The following CLCN2 variants were observed in gnomAD, a reference collection of about 807,000 sequenced individuals.
CLCN2 encodes chloride channel protein 2.
CLCN2 carries 72 observed loss-of-function variants against 108.3 expected under a neutral mutation model. The ratio of observed to expected loss-of-function variants is 0.66; its 90% CI spans 0.55 to 0.81. CLCN2 has a LOEUF of 0.81. Ranked by LOEUF, CLCN2 falls within the 30% of genes least tolerant of loss-of-function variation. The pLI, the probability that CLCN2 is intolerant of heterozygous loss-of-function variation, is 0.00. For synonymous variants in CLCN2, 471 were observed against 467.1 expected, an observed-to-expected ratio of 1.01 and a Z score of -0.11; for missense variants, 1,048 against 1,205.2, an observed-to-expected ratio of 0.87 and a Z score of 1.93.
At position 184,346,803 on chromosome 3, in the gene CLCN2, G is replaced by T; in HGVS notation, c.2503-3C>A. 3.1e-6 allele frequency: 5 copies of T among 1,614,062 alleles called. No homozygotes were observed. Among genetic ancestry groups the T allele is most frequent in the Non-Finnish European group, 4.2e-6 (5 of 1,180,004 alleles). The stretch of plus-strand genomic sequence containing the variant: ...GAGCCCTCGATGGCCTTCCGGAGCT[G>T]GAAAGGTGAGAGGGACAGATGTCTG... On this transcript the variant is annotated splice_polypyrimidine_tract_variant and splice_region_variant and intron_variant, in intron 23 of 23. Coordinates refer to ENST00000265593, the MANE Select transcript of CLCN2 (RefSeq NM_004366.6). This position sits in a 1 kb window ranked among gnomAD's most constrained non-coding sequence, Gnocchi z 6.0.
Position 184,361,463 on chromosome 3 carries a change from G to C in CLCN2, c.17C>G (p.Ala6Gly). 2 of 1,612,284 alleles carry C rather than the reference G, an allele frequency of 1.2e-6. No homozygotes were observed. Among genetic ancestry groups the C allele is most frequent in the Non-Finnish European group, 1.7e-6 (2 of 1,179,922 alleles). MAAAA[A>G]EEGMEPRALQ... ...CGCCCGTGGCTCCATCCCTTCCTCC[G>C]CCGCCGCGGCCGCCATCTCCGCGCA... The change falls in exon 1 of 24, where the codon GCG becomes GGG. Residue 6 changes from alanine to glycine, a missense_variant. By Grantham distance (60) the Ala-to-Gly change is moderately conservative. Coordinates refer to ENST00000265593, the MANE Select transcript of CLCN2 (RefSeq NM_004366.6). This position sits in a 1 kb window ranked among gnomAD's most constrained non-coding sequence, Gnocchi z 6.6.
chr3:184,351,695 G>A (rs1010797426), intron 22 of CLCN2, among the ~76,000 whole-genome samples: 12 of 152,106 alleles, frequency 7.9e-5, no homozygotes, highest in South Asian at 2.1e-4. Flanking sequence ...GTGGCCTCCC[G>A]CCTAGCTCTG....
chr3:184,355,587 T>C lies in CLCN2; in HGVS notation c.1171-58A>G, dbSNP rs1339913763. On this transcript the variant is annotated intron_variant, in intron 11 of 23. Transcript: ENST00000265593. The surrounding 1 kb of genome is among the most constrained non-coding windows in gnomAD (Gnocchi z 6.3). The stretch of plus-strand genomic sequence containing the variant: ...CCGACAGGATGAAGGGAAGAGGCCA[T>C]GGGATCCCACGGGGAACAAGGGGTC... 3 of 1,610,270 alleles carry C rather than the reference T, an allele frequency of 1.9e-6. No homozygotes were observed. The African/African-American group carries it at 4.0e-5, about 22-fold the overall frequency.
intron 18 of CLCN2, 55 bp from the exon 19 acceptor site, chr3:184,352,865 C>A: frequency 6.3e-7 from 1 of 1,599,998 alleles, no homozygotes; most frequent in Non-Finnish European, 8.6e-7. Flanking sequence ...GGGGAGAGGA[C>A]CAGGAAAGGT....
rs1447367671 is a variant in CLCN2, at chr3:184,355,644, G to C, written c.1170+50C>G. Reference sequence around the variant, plus strand: ...TCACACTGGGGCTGTTGGCTTTGGAGGAATGCCTTCCAAGGGAAAGCACAA... The same window carrying C: ...TCACACTGGGGCTGTTGGCTTTGGACGAATGCCTTCCAAGGGAAAGCACAA... On this transcript the variant is annotated intron_variant, in intron 11 of 23. Coordinates refer to ENST00000265593, the MANE Select transcript of CLCN2 (RefSeq NM_004366.6). The surrounding 1 kb of genome is among the most constrained non-coding windows in gnomAD (Gnocchi z 6.3). The C allele has an allele frequency of 6.2e-7, 1 of 1,605,540 alleles. No homozygotes were observed. Among genetic ancestry groups the C allele is most frequent in the Non-Finnish European group, 8.5e-7 (1 of 1,172,210 alleles).
intron 19 of CLCN2, 34 bp from the exon 20 acceptor site, chr3:184,352,530 A>G: frequency 6.2e-7 from 1 of 1,606,748 alleles, no homozygotes. Context: ...CAGAAAGATG[A>G]GGAGTTGAGG....
chr3:184,347,661 C>T (rs1727784784), intron 22 of CLCN2: 1 of 167,136 alleles, frequency 6.0e-6, no homozygotes, highest in Non-Finnish European at 1.3e-5. Context: ...GGTTTGGAGT[C>T]TCTCTCCCCT....
At chr3:184,352,262 A>G (rs41266263) in intron 21 of CLCN2, 31 bp downstream of exon 21, 371 of 1,613,340 alleles carry the variant, frequency 2.3e-4, no homozygotes, top group Non-Finnish European at 2.8e-4. Flanking sequence ...AACCAGGAAG[A>G]AACAGGGTCC....
chr3:184,353,637 C>G lies in CLCN2; in HGVS notation c.1855+25G>C, dbSNP rs757519636. ...CTTCGACCCTGGGCAATGCCCCTAG[C>G]ACCTGGGACCCCTCCTGGCCTCACC... On this transcript the variant is annotated intron_variant, in intron 16 of 23. Coordinates refer to ENST00000265593, the MANE Select transcript of CLCN2 (RefSeq NM_004366.6). 4 of 1,611,286 alleles carry G rather than the reference C, an allele frequency of 2.5e-6. No individual in the cohort carries two copies. The South Asian group carries it at 4.4e-5, about 18-fold the overall frequency.
rs151257924 is a variant in CLCN2 at position 184,359,121 on chromosome 3, C to T, written c.74G>A (p.Arg25Gln). 1.4e-4 allele frequency: 218 copies of T among 1,613,728 alleles called. No individual in the cohort carries two copies. Among genetic ancestry groups the T allele is most frequent in the Middle Eastern group, 3.3e-4 (2 of 6,062 alleles). Reference protein sequence around the residue: ...LQYEQTLMYGRYTQDLGAFAK... With the variant: ...LQYEQTLMYGQYTQDLGAFAK... ...AAAGGCCCCAAGGTCCTGAGTGTAC[C>T]GGCCATACATCTGGAGCAACAGAGG... Residue 25 changes from arginine to glutamine, a missense_variant, in exon 2 of 24, where the codon CGG becomes CAG. Coordinates refer to ENST00000265593, the MANE Select transcript of CLCN2 (RefSeq NM_004366.6).
chr3:184,352,889 G>A (rs1728226485), intron 18 of CLCN2, 79 bp from the exon 19 acceptor site: 2 of 1,559,630 alleles, frequency 1.3e-6, no homozygotes, highest in East Asian at 2.2e-5. Context: ...GAAGACACAG[G>A]GAGAGGTATC....
At position 184,346,703 on chromosome 3, in the gene CLCN2, G is replaced by A. The variant is rs778127158; in HGVS notation, c.2600C>T (p.Thr867Met). 1.9e-5 allele frequency: 30 copies of A among 1,614,060 alleles called. No homozygotes were observed. Among genetic ancestry groups the A allele is most frequent in the Middle Eastern group, 1.6e-4 (1 of 6,084 alleles). The change falls in exon 24 of 24, where the codon ACG becomes ATG. Residue 867 changes from threonine to methionine, a missense_variant. Physicochemically the swap from Thr to Met is moderately conservative, Grantham distance 81. Coordinates refer to ENST00000265593, the MANE Select transcript of CLCN2 (RefSeq NM_004366.6). This position sits in a 1 kb window ranked among gnomAD's most constrained non-coding sequence, Gnocchi z 6.0. Reference sequence around the variant, plus strand: ...GAGTGCATGCACCTCAGTGGTCTCCGTGTCACTGCTGCTGGTGGCACTGTC... The same window carrying A: ...GAGTGCATGCACCTCAGTGGTCTCCATGTCACTGCTGCTGGTGGCACTGTC... ...FRDSATSSSD[T>M]ETTEVHALWG...
rs748398548 is a variant in CLCN2 at position 184,354,624 on chromosome 3, C to T, written c.1431G>A (p.Met477Ile). The T allele has an allele frequency of 3.1e-6, 5 of 1,611,270 alleles. No individual in the cohort carries two copies. Among genetic ancestry groups the T allele is most frequent in the Admixed American group, 1.7e-5 (1 of 59,758 alleles). The stretch of plus-strand genomic sequence containing the variant: ...GAATTCCATCTGGGAACCAGGCAGC[C>T]ATGCTTTCACCCACCAGACGCCCAA... ...AAFGRLVGESMAAWFPDGIHT... is the reference protein window; with the variant it reads ...AAFGRLVGESIAAWFPDGIHT... The change falls in exon 14 of 24, where the codon ATG becomes ATA. Residue 477 changes from methionine (M) to isoleucine (I), a missense_variant. Transcript: ENST00000265593.
chr3:184,352,555 G>A (rs1728192985), intron 19 of CLCN2, 59 bp from the exon 20 acceptor site: 11 of 1,564,746 alleles, frequency 7.0e-6, no homozygotes, highest in South Asian at 1.1e-5. Flanking sequence ...AGGGAGAGGG[G>A]AGGTGAGGGG....
In CLCN2 at chr3:184,355,268, CT is replaced by C; in HGVS notation, c.1326+105del. On this transcript the variant is annotated intron_variant, in intron 12 of 23. Coordinates refer to ENST00000265593, the MANE Select transcript of CLCN2 (RefSeq NM_004366.6). This position sits in a 1 kb window ranked among gnomAD's most constrained non-coding sequence, Gnocchi z 6.3. ...TTTCAAACGGGGGTGATAATAGTGC[CT>C]TTCCCATGGCACTGTGGAGAGGCTT... 1 of 1,309,700 alleles carries C rather than the reference CT, an allele frequency of 7.6e-7. No individual in the cohort carries two copies. The highest frequency in any genetic ancestry group is 1.2e-5 in the South Asian group (1 of 83,802). 81.1% of individuals were successfully genotyped at this position (1,309,700 alleles called of 1,614,324 possible).
intron 22 of CLCN2, among the ~76,000 whole-genome samples, chr3:184,349,841 T>A (rs1274939788): frequency 1.3e-5 from 2 of 152,136 alleles, no homozygotes; most frequent in African/African-American, 2.4e-5. Context: ...GGTCTGGCCC[T>A]AGCTGTGGCC....
At position 184,354,980 on chromosome 3, in the gene CLCN2, G is replaced by A. The variant is rs765044617; in HGVS notation, c.1327-7C>T. The A allele has an allele frequency of 6.2e-7, 1 of 1,613,782 alleles. No individual in the cohort carries two copies. Among genetic ancestry groups the A allele is most frequent in the Non-Finnish European group, 8.5e-7 (1 of 1,179,856 alleles). Reference sequence around the variant, plus strand: ...CCAGTGCAGACATCCAGAACTGCAGGCAGGGGGTGGTTCAAAGGCGAAGAG... The same window carrying A: ...CCAGTGCAGACATCCAGAACTGCAGACAGGGGGTGGTTCAAAGGCGAAGAG... On this transcript the variant is annotated splice_region_variant and splice_polypyrimidine_tract_variant and intron_variant, in intron 12 of 23. Transcript: ENST00000265593.
chr3:184,348,837 C>A (rs1192372421), intron 22 of CLCN2: 2 of 152,196 alleles, frequency 1.3e-5, no homozygotes, highest in African/African-American at 4.8e-5. Flanking sequence ...AGTCACCAAG[C>A]CTTACCAATT....
At chr3:184,355,000 G>T in intron 12 of CLCN2, 27 bp from the exon 13 acceptor site, 1 of 1,608,848 alleles carries the variant, frequency 6.2e-7, no homozygotes, top group Non-Finnish European at 8.5e-7. Flanking sequence ...GTTCAAAGGC[G>T]AAGAGGCTCC....
Sources: gnomAD v4.1 joint callset for allele counts (sites outside exome capture counted in the v4.1 genomes callset) on GRCh38, gnomAD v4.1.1 for gene constraint, Gnocchi (gnomAD v3.1) non-coding constraint, MANE v1.5 for transcripts, NCBI Gene and HGNC (gene_info 2026-07-23, HGNC 2026-07-21) for gene names.